RBM47: variants seen among roughly 807,000 people sequenced by gnomAD.
The protein encoded by RBM47 is RNA-binding protein 47.
In RBM47, 21 loss-of-function variants were observed where a neutral mutation model predicts 47.1. That is an observed-to-expected ratio of 0.45 (90% CI 0.32 to 0.64). RBM47 has a LOEUF of 0.64. RBM47 is among the 30% of genes least tolerant of loss of function. The probability of loss-of-function intolerance (pLI) is 0.05; values close to 1 mark genes in which losing one functional copy is unlikely to be tolerated. For missense variants in RBM47, 708 were observed against 870.9 expected (o/e 0.81, Z 2.35); for synonymous variants, 375 against 361.7 (o/e 1.04, Z -0.42).
intron 1 of RBM47, among the ~76,000 whole-genome samples, chr4:40,627,194 C>G (rs563623033): frequency 1.2e-4 from 19 of 152,330 alleles, no homozygotes; most frequent in African/African-American, 4.3e-4. Context: ...CTTGGAATCA[C>G]GGTGACAAGC....
chr4:40,593,629 C>T (rs1455870658), intron 1 of RBM47, among the ~76,000 whole-genome samples: 1 of 152,004 alleles, frequency 6.6e-6, no homozygotes, highest in Non-Finnish European at 1.5e-5. Context: ...GCCTGTAATC[C>T]CAGCACTTTG....
chr4:40,499,356 T>C (rs1485475680), intron 2 of RBM47, among the ~76,000 whole-genome samples: 5 of 152,250 alleles, frequency 3.3e-5, no homozygotes, highest in Non-Finnish European at 7.3e-5. Flanking sequence ...GATTTTCTTT[T>C]GTAAAATTAA....
chr4:40,569,032 C>CAGACAGAT lies in RBM47; in HGVS notation c.-239-24527_-239-24526insATCTGTCT, dbSNP rs1553902794. ...ATAGATAGATAGACAGACAGACAGA[C>CAGACAGAT]AGACAGACAGACAGACAGATAGATA... On this transcript the variant is annotated intron_variant, in intron 1 of 6. Transcript: ENST00000295971. Among the ~76,000 whole-genome samples the CAGACAGAT allele has an allele frequency of 3.6e-4, 52 of 143,192 alleles. 1 individual carries two copies. The highest frequency in any genetic ancestry group is 1.5e-3 in the African/African-American group (50 of 34,076). 93.9% of individuals were successfully genotyped at this position (143,192 alleles called of 152,430 possible).
rs143540820 is a variant in RBM47 at position 40,625,234 on chromosome 4, T to C, written c.-240+4162A>G. ...GAAACACAAATGGTTTACCTGAGCT[T>C]ACAAGGCTCAAATACACATTTTCAG... is the stretch of plus-strand genomic sequence containing the variant. On this transcript the variant is annotated intron_variant, in intron 1 of 6. Coordinates refer to ENST00000295971, the MANE Select transcript of RBM47 (RefSeq NM_001098634.2). 3.9e-3 allele frequency among the ~76,000 whole-genome samples: 601 copies of C among 152,262 alleles called. 5 individuals carry two copies. The highest frequency in any genetic ancestry group is 0.013 in the African/African-American group (557 of 41,550).
chr4:40,470,228 C>G (rs1202018415), intron 2 of RBM47, among the ~76,000 whole-genome samples: 1 of 152,092 alleles, frequency 6.6e-6, no homozygotes, highest in Non-Finnish European at 1.5e-5. Context: ...CCCCCGCCCC[C>G]CAGCCTGGTA....
intron 1 of RBM47, among the ~76,000 whole-genome samples, chr4:40,617,452 G>A (rs930231182): frequency 5.3e-5 from 8 of 151,858 alleles, no homozygotes; most frequent in Non-Finnish European, 1.0e-4. Context: ...TCAGCTACTC[G>A]GGAGGCTGAG....
intron 2 of RBM47, among the ~76,000 whole-genome samples, chr4:40,498,054 T>TTA (rs6148409): frequency 0.028 from 3,081 of 109,776 alleles, 192 homozygotes; most frequent in African/African-American, 0.057. Flanking sequence ...AGTGCTTGTT[T>TTA]TATATATATA....
intron 1 of RBM47, among the ~76,000 whole-genome samples, chr4:40,598,030 C>A (rs535640381): frequency 6.6e-6 from 1 of 152,296 alleles, no homozygotes; most frequent in South Asian, 2.1e-4. Context: ...AGGCAGGGAG[C>A]TATATTAAGT....
At chr4:40,511,142 C>CTT in intron 2 of RBM47, among the ~76,000 whole-genome samples, 1 of 152,306 alleles carries the variant, frequency 6.6e-6, no homozygotes, top group South Asian at 2.1e-4. Context: ...TCCAAGTTGC[C>CTT]CGTGTAGTTC....
At chr4:40,630,182 C>T (rs1421562266), upstream of RBM47, 1 of 152,340 alleles carries the variant, frequency 6.6e-6, no homozygotes, top group Non-Finnish European at 1.5e-5. Flanking sequence ...CTTCTCTCCC[C>T]GCCCCAAAAG....
intron 2 of RBM47, among the ~76,000 whole-genome samples, chr4:40,468,103 T>C (rs750397556): frequency 6.6e-6 from 1 of 152,162 alleles, no homozygotes; most frequent in African/African-American, 2.4e-5. Context: ...CTGGCCAACA[T>C]GGTGAAACCC....
At chr4:40,505,061 C>A (rs986322816) in intron 2 of RBM47, among the ~76,000 whole-genome samples, 2 of 152,176 alleles carry the variant, frequency 1.3e-5, no homozygotes, top group Non-Finnish European at 2.9e-5. Flanking sequence ...CACGGTGGCA[C>A]ATGCCTGTAG....
intron 1 of RBM47, among the ~76,000 whole-genome samples, chr4:40,592,005 C>T (rs968167156): frequency 6.6e-6 from 1 of 152,116 alleles, no homozygotes; most frequent in Non-Finnish European, 1.5e-5. Flanking sequence ...CATCACTTCC[C>T]AAAACAATGC....
chr4:40,554,633 A>G (rs1729896854), intron 1 of RBM47, among the ~76,000 whole-genome samples: 1 of 152,194 alleles, frequency 6.6e-6, no homozygotes, highest in Non-Finnish European at 1.5e-5. Context: ...AGTAATTTTT[A>G]GAAATAATTC....
chr4:40,456,038 T>C (rs1332861001), intron 3 of RBM47, among the ~76,000 whole-genome samples: 1 of 152,248 alleles, frequency 6.6e-6, no homozygotes, highest in Non-Finnish European at 1.5e-5. Flanking sequence ...GAGAAAGTGC[T>C]TTAAGACACT....
chr4:40,526,691 G>C (rs536778988), intron 2 of RBM47, among the ~76,000 whole-genome samples: 8 of 151,108 alleles, frequency 5.3e-5, no homozygotes, highest in African/African-American at 1.9e-4. Context: ...CTCCTGCTTC[G>C]GCCTCCTGAG....
intron 3 of RBM47, among the ~76,000 whole-genome samples, chr4:40,440,004 A>G (rs796697583): frequency 1.5e-4 from 23 of 152,354 alleles, no homozygotes; most frequent in African/African-American, 4.8e-4. Context: ...CACGTATCAC[A>G]GTGCAGGTCT....
At chr4:40,600,985 C>CAAAAAAAAAAAAAAAAAAAAAAAAAA (rs56054491) in intron 1 of RBM47, among the ~76,000 whole-genome samples, 7 of 50,108 alleles carry the variant, frequency 1.4e-4, no homozygotes, top group Admixed American at 3.0e-4. Flanking sequence ...AACTCCGTCT[C>CAAAAAAAAAAAAAAAAAAAAAAAAAA]AAAAAAAAAA....
At chr4:40,569,016 T>TAGATAGATAGACAGAC (rs1472373539) in intron 1 of RBM47, among the ~76,000 whole-genome samples, 1 of 98,810 alleles carries the variant, frequency 1.0e-5, no homozygotes, top group African/African-American at 3.5e-5. Context: ...GATAGATAGA[T>TAGATAGATAGACAGAC]AGACAGACAG....
Sources: gnomAD v4.1 joint callset for allele counts (sites outside exome capture counted in the v4.1 genomes callset) on GRCh38, gnomAD v4.1.1 for gene constraint, MANE v1.5 for transcripts, NCBI Gene and HGNC (gene_info 2026-07-23, HGNC 2026-07-21) for gene names.